The following HMGCLL1 variants were observed in gnomAD, a reference collection of about 807,000 sequenced individuals.
HMGCLL1 encodes the protein 3-hydroxymethyl-3-methylglutaryl-CoA lyase, cytoplasmic.
HMGCLL1 carries 36 observed loss-of-function variants against 39.1 expected under a neutral mutation model. The ratio of observed to expected loss-of-function variants is 0.92; its 90% CI spans 0.71 to 1.22. The LOEUF (loss-of-function observed/expected upper bound fraction) is 1.22, where lower values mean the gene tolerates loss of function less well. Among genes scored for constraint, HMGCLL1 ranks in the 50% most tolerant of loss-of-function variants. The probability of loss-of-function intolerance (pLI) is 0.00; values close to 1 mark genes in which losing one functional copy is unlikely to be tolerated. For synonymous variants in HMGCLL1, 149 were observed against 144.0 expected, an observed-to-expected ratio of 1.03 and a Z score of -0.25; for missense variants, 451 against 416.5, an observed-to-expected ratio of 1.08 and a Z score of -0.72.
intron 7 of HMGCLL1, among the ~76,000 whole-genome samples, chr6:55,461,291 T>C (rs1310587447): frequency 2.0e-5 from 3 of 152,018 alleles, no homozygotes; most frequent in Non-Finnish European, 2.9e-5. Flanking sequence ...CTTAGCTTTC[T>C]GAAATCTCCA....
chr6:55,526,441 A>G (rs1768325746), intron 3 of HMGCLL1, among the ~76,000 whole-genome samples: 1 of 151,990 alleles, frequency 6.6e-6, no homozygotes, highest in South Asian at 2.1e-4. Context: ...CAAATTTTGT[A>G]TAATTTTTGA....
In HMGCLL1 at chr6:55,541,767, C is replaced by G. The variant is rs376191221; in HGVS notation, c.259G>C (p.Glu87Gln). ...RLSQTGLSVIEVTSFVSSRWV... is the reference protein window; with the variant it reads ...RLSQTGLSVIQVTSFVSSRWV... ...CTGGAAGACACAAAGCTAGTCACTTCTATTACAGACAAGCCAGTTTGGGAA... is the reference window on the plus strand; with the variant it reads ...CTGGAAGACACAAAGCTAGTCACTTGTATTACAGACAAGCCAGTTTGGGAA... Residue 87 changes from glutamate (E) to glutamine (Q), a missense_variant, in exon 3 of 9, where the codon GAA becomes CAA. By Grantham distance (29) the Glu-to-Gln change is conservative. Coordinates refer to ENST00000274901, the MANE Select transcript of HMGCLL1 (RefSeq NM_001042406.2). 1.2e-5 allele frequency: 19 copies of G among 1,608,728 alleles called. No homozygotes were observed. In the East Asian group the frequency reaches 2.0e-4, roughly 17 times the overall value.
chr6:55,662,198 C>T, the HMGCLL1 span, among the ~76,000 whole-genome samples: 1 of 151,706 alleles, frequency 6.6e-6, no homozygotes, highest in African/African-American at 2.4e-5. Flanking sequence ...TAACTGATTG[C>T]TCTGGCTAGG....
chr6:55,676,960 A>C, the HMGCLL1 span, among the ~76,000 whole-genome samples: 1 of 152,238 alleles, frequency 6.6e-6, no homozygotes, highest in Non-Finnish European at 1.5e-5. Flanking sequence ...ACTTGGATGC[A>C]ACAGCAACTA....
chr6:55,672,358 T>A, the HMGCLL1 span, among the ~76,000 whole-genome samples: 1 of 151,800 alleles, frequency 6.6e-6, no homozygotes, highest in Non-Finnish European at 1.5e-5. Context: ...AAAATGAAAA[T>A]TTATTTATTA....
chr6:55,645,913 G>C, the HMGCLL1 span, among the ~76,000 whole-genome samples: 2 of 151,814 alleles, frequency 1.3e-5, no homozygotes, highest in Non-Finnish European at 2.9e-5. Context: ...CATATAAAAT[G>C]AGTTTGAAAG....
chr6:55,493,834 G>A (rs949480986), intron 7 of HMGCLL1, among the ~76,000 whole-genome samples: 2 of 151,866 alleles, frequency 1.3e-5, no homozygotes, highest in African/African-American at 2.4e-5. Flanking sequence ...CCAGGTTCAC[G>A]CCGTTCTCCT....
In HMGCLL1 at chr6:55,439,441, A is replaced by C. The variant is rs183132034; in HGVS notation, c.914T>G (p.Leu305Arg). ...DLIYMLNGLG[L>R]NTGVNLYKVM... ...TACGTTAAAGTAACTTACTGTATTG[A>C]GCCCCAGGCCATTAAGCATATATAT... The change falls in exon 8 of 9, where the codon CTC becomes CGC. Residue 305 changes from leucine (L) to arginine (R), a missense_variant. Physicochemically the swap from Leu to Arg is moderately radical, Grantham distance 102. Transcript: ENST00000274901. The C allele has an allele frequency of 8.7e-6, 14 of 1,611,508 alleles. No homozygotes were observed. The East Asian group carries it at 2.9e-4, about 33-fold the overall frequency.
At chr6:55,454,681 T>C (rs566223384) in intron 7 of HMGCLL1, among the ~76,000 whole-genome samples, 1 of 152,264 alleles carries the variant, frequency 6.6e-6, no homozygotes, top group South Asian at 2.1e-4. Flanking sequence ...AAGGGAGGAC[T>C]AAGAATGTTT....
chr6:55,573,537 C>T (rs992695909), intron 1 of HMGCLL1, among the ~76,000 whole-genome samples: 1 of 151,712 alleles, frequency 6.6e-6, no homozygotes, highest in Non-Finnish European at 1.5e-5. Flanking sequence ...AATATAATAA[C>T]TGAAATTAAG....
At chr6:55,468,717 G>A (rs1056260193) in intron 7 of HMGCLL1, among the ~76,000 whole-genome samples, 3 of 151,874 alleles carry the variant, frequency 2.0e-5, no homozygotes, top group Admixed American at 6.6e-5. Context: ...TAAGTAATTT[G>A]CCTAAGAAGA....
chr6:55,513,744 AG>A (rs1767586850), intron 5 of HMGCLL1: 1 of 369,416 alleles, frequency 2.7e-6, no homozygotes, highest in Non-Finnish European at 4.7e-6. Context: ...CAGCACATGT[AG>A]GCTGAGATAA....
chr6:55,579,223 T>TG, upstream of HMGCLL1: 1 of 610,556 alleles, frequency 1.6e-6, no homozygotes, highest in Non-Finnish European at 2.9e-6. Context: ...GGGCGGGGAG[T>TG]GGGGCGTGGC....
intron 7 of HMGCLL1, among the ~76,000 whole-genome samples, chr6:55,477,322 T>TTATTTAGATAATA (rs1765451805): frequency 6.7e-5 from 1 of 15,002 alleles, no homozygotes; most frequent in Non-Finnish European, 9.3e-5. Flanking sequence ...ATAATATATA[T>TTATTTAGATAATA]TATATTATAT....
chr6:55,536,911 A>G (rs1304312707), intron 3 of HMGCLL1, among the ~76,000 whole-genome samples: 1 of 152,212 alleles, frequency 6.6e-6, no homozygotes, highest in African/African-American at 2.4e-5. Context: ...CAACTAGAGG[A>G]CTATTCCCAT....
the HMGCLL1 span, among the ~76,000 whole-genome samples, chr6:55,589,278 A>T: frequency 6.6e-6 from 1 of 152,220 alleles, no homozygotes; most frequent in Non-Finnish European, 1.5e-5. Flanking sequence ...GTAATCCAGC[A>T]TATAAACAGA....
At chr6:55,639,046 A>T in the HMGCLL1 span, among the ~76,000 whole-genome samples, 1 of 152,116 alleles carries the variant, frequency 6.6e-6, no homozygotes, top group Non-Finnish European at 1.5e-5. Flanking sequence ...ATCATTCTAT[A>T]AACTCTAGTT....
At chr6:55,448,158 T>C (rs1442792951) in intron 7 of HMGCLL1, among the ~76,000 whole-genome samples, 2 of 152,002 alleles carry the variant, frequency 1.3e-5, no homozygotes, top group Non-Finnish European at 2.9e-5. Context: ...TTCAGATAGA[T>C]TGATGTTCAA....
At chr6:55,471,162 T>C (rs866405443) in intron 7 of HMGCLL1, among the ~76,000 whole-genome samples, 1 of 151,870 alleles carries the variant, frequency 6.6e-6, no homozygotes, top group South Asian at 2.1e-4. Context: ...TTTTGGACTT[T>C]ACATAACTAG....
Sources: gnomAD v4.1 joint callset for allele counts (sites outside exome capture counted in the v4.1 genomes callset) on GRCh38, gnomAD v4.1.1 for gene constraint, MANE v1.5 for transcripts, NCBI Gene and HGNC (gene_info 2026-07-23, HGNC 2026-07-21) for gene names.